The following C17orf99 variants were observed in gnomAD, a reference collection of about 807,000 sequenced individuals.
C17orf99 encodes the protein protein IL-40.
C17orf99 carries 18 observed loss-of-function variants against 22.6 expected under a neutral mutation model. The observed-to-expected ratio is 0.80, with a 90% CI of 0.55 to 1.18. The LOEUF (loss-of-function observed/expected upper bound fraction) is 1.18, where lower values mean the gene tolerates loss of function less well. Among genes scored for constraint, C17orf99 ranks in the 50% most tolerant of loss-of-function variants. The pLI is 0.00. For missense variants in C17orf99, 328 were observed against 342.7 expected, an observed-to-expected ratio of 0.96 and a Z score of 0.34; for synonymous variants, 147 against 136.6, an observed-to-expected ratio of 1.08 and a Z score of -0.53.
At chr17:78,159,867 C>A (rs536786706) in intron 2 of C17orf99, among the ~76,000 whole-genome samples, 1 of 152,124 alleles carries the variant, frequency 6.6e-6, no homozygotes, top group Admixed American at 6.6e-5. Flanking sequence ...AATGTTGTTA[C>A]GGCTCATCCC....
intron 4 of C17orf99, chr17:78,165,327 C>T: frequency 1.0e-6 from 1 of 985,670 alleles, no homozygotes; most frequent in East Asian, 1.1e-4. Flanking sequence ...CTGTCCTTGG[C>T]ACTTTCCCAT....
At chr17:78,148,218 T>A (rs1256066266) in intron 2 of C17orf99, among the ~76,000 whole-genome samples, 1 of 112,122 alleles carries the variant, frequency 8.9e-6, no homozygotes, top group African/African-American at 3.9e-5. Context: ...CCCCCATCTC[T>A]TAAAAAAAAA....
Position 78,146,740 on chromosome 17 carries a change from G to C in C17orf99, c.38-139G>C. Reference sequence around the variant, plus strand: ...CGCAAAAGAGCTTTTGTGAGTGATGGTGCCAGCTGAGTCCTGGGGCCTCAC... The same window carrying C: ...CGCAAAAGAGCTTTTGTGAGTGATGCTGCCAGCTGAGTCCTGGGGCCTCAC... On this transcript the variant is annotated intron_variant, in intron 1 of 4. Transcript: ENST00000340363. This position sits in a 1 kb window ranked among gnomAD's most constrained non-coding sequence, Gnocchi z 5.2. The C allele has an allele frequency of 1.2e-6, 1 of 808,620 alleles. No homozygotes were observed. Among genetic ancestry groups the C allele is most frequent in the South Asian group, 1.6e-5 (1 of 61,154 alleles). The allele number at this position is 808,620 out of a possible 1,614,324, so 50.1% of individuals were successfully genotyped here.
rs1373895524 is a variant in C17orf99 at position 78,164,288 on chromosome 17, G to C, written c.564G>C (p.Gln188His). The change falls in exon 4 of 5, where the codon CAG becomes CAC. Residue 188 changes from glutamine to histidine, a missense_variant. Transcript: ENST00000340363. Reference protein sequence around the residue: ...QPANFSFLPSQTSDWFWCQAA... With the variant: ...QPANFSFLPSHTSDWFWCQAA... The stretch of plus-strand genomic sequence containing the variant: ...CCAACTTCTCCTTCCTGCCGAGCCA[G>C]ACATCGGACTGGTTCTGGTGCCAGG... 1.3e-6 allele frequency: 2 copies of C among 1,551,488 alleles called. No individual in the cohort carries two copies. Among genetic ancestry groups the C allele is most frequent in the Non-Finnish European group, 1.7e-6 (2 of 1,147,016 alleles).
intron 2 of C17orf99, chr17:78,158,487 G>A (rs149934155): frequency 2.6e-4 from 50 of 195,854 alleles, no homozygotes; most frequent in African/African-American, 1.1e-3. Flanking sequence ...AGTAGAGACG[G>A]GGTTTCACCG....
rs2145788532 is a variant in C17orf99 at position 78,158,157 on chromosome 17, T to C, written c.71-2798T>C. 6.4e-6 allele frequency: 5 copies of C among 784,510 alleles called. No homozygotes were observed. The Middle Eastern group carries it at 1.3e-3, about 205-fold the overall frequency. The allele number at this position is 784,510 out of a possible 1,614,324, so 48.6% of individuals were successfully genotyped here. ...GGAGAAGAGATCCTGATCATGGTGC[T>C]GTCTGCCATGACCGAGGAGGCAGCT... is the stretch of plus-strand genomic sequence containing the variant. On this transcript the variant is annotated intron_variant, in intron 2 of 4. Coordinates refer to ENST00000340363, the MANE Select transcript of C17orf99 (RefSeq NM_001163075.2).
intron 2 of C17orf99, among the ~76,000 whole-genome samples, chr17:78,147,563 CT>C (rs1178992973): frequency 2.6e-5 from 4 of 151,480 alleles, no homozygotes; most frequent in Admixed American, 2.6e-4. Context: ...CCTGCACTTT[CT>C]TGCCCCATCC....
At chr17:78,154,887 T>A (rs1318876820) in intron 2 of C17orf99, among the ~76,000 whole-genome samples, 1 of 152,044 alleles carries the variant, frequency 6.6e-6, no homozygotes, top group Non-Finnish European at 1.5e-5. Context: ...AGAGTTATCA[T>A]GAAATTTTCA....
At chr17:78,151,999 T>C (rs932390026) in intron 2 of C17orf99, among the ~76,000 whole-genome samples, 5 of 152,038 alleles carry the variant, frequency 3.3e-5, no homozygotes, top group Non-Finnish European at 7.4e-5. Context: ...ACCAGCACCA[T>C]GTCCGGGCCT....
chr17:78,151,776 G>A (rs553894026), intron 2 of C17orf99, among the ~76,000 whole-genome samples: 5 of 152,322 alleles, frequency 3.3e-5, no homozygotes, highest in Non-Finnish European at 2.9e-5. Flanking sequence ...GGCAGGTCCT[G>A]GGAGTCACCA....
intron 2 of C17orf99, chr17:78,157,574 G>A (rs193211041): frequency 3.7e-5 from 24 of 646,906 alleles, no homozygotes; most frequent in African/African-American, 5.6e-5. Flanking sequence ...CGAGGCAGGC[G>A]GATCACAAGG....
intron 2 of C17orf99, among the ~76,000 whole-genome samples, chr17:78,159,836 G>A (rs573301698): frequency 2.6e-5 from 4 of 152,158 alleles, no homozygotes; most frequent in Non-Finnish European, 4.4e-5. Flanking sequence ...TGCCCTTTGC[G>A]TCTGCCTTTT....
At chr17:78,158,022 G>A in intron 2 of C17orf99, 1 of 1,370,088 alleles carries the variant, frequency 7.3e-7, no homozygotes, top group Non-Finnish European at 1.0e-6. Flanking sequence ...CAGCTGATTG[G>A]CATCCAGGAT....
chr17:78,161,385 G>C, intron 3 of C17orf99, 131 bp downstream of exon 3: 1 of 776,748 alleles, frequency 1.3e-6, no homozygotes, highest in South Asian at 1.8e-5. Context: ...GACAAGGACA[G>C]GCTGCCACCT....
chr17:78,155,473 T>A (rs1044860292), intron 2 of C17orf99, among the ~76,000 whole-genome samples: 2 of 152,092 alleles, frequency 1.3e-5, no homozygotes, highest in African/African-American at 2.4e-5. Flanking sequence ...ATTCTTTTTT[T>A]CTTTTTAATT....
At chr17:78,147,742 A>G (rs1305302292) in intron 2 of C17orf99, among the ~76,000 whole-genome samples, 1 of 152,120 alleles carries the variant, frequency 6.6e-6, no homozygotes, top group East Asian at 1.9e-4. Flanking sequence ...CGCCATTCTC[A>G]CTTGAATGAG....
chr17:78,162,660 C>G (rs1489233617), intron 3 of C17orf99, among the ~76,000 whole-genome samples: 1 of 152,008 alleles, frequency 6.6e-6, no homozygotes, highest in Non-Finnish European at 1.5e-5. Flanking sequence ...AAAATAATAA[C>G]AGAGGCCAGT....
chr17:78,163,820 C>G (rs771022013), intron 3 of C17orf99, among the ~76,000 whole-genome samples: 1 of 152,184 alleles, frequency 6.6e-6, no homozygotes, highest in Non-Finnish European at 1.5e-5. Flanking sequence ...GAGCCTAGAT[C>G]GCGCCATTGC....
At chr17:78,165,850 G>A in intron 4 of C17orf99, 39 bp from the exon 5 acceptor site, 4 of 1,285,626 alleles carry the variant, frequency 3.1e-6, no homozygotes, top group Admixed American at 3.6e-5. Flanking sequence ...TGGCTGGGAG[G>A]TGAGCCTGCC....
Sources: gnomAD v4.1 joint callset for allele counts (sites outside exome capture counted in the v4.1 genomes callset) on GRCh38, gnomAD v4.1.1 for gene constraint, Gnocchi (gnomAD v3.1) non-coding constraint, MANE v1.5 for transcripts, NCBI Gene and HGNC (gene_info 2026-07-23, HGNC 2026-07-21) for gene names.